Variants in PSMA2 observed in about 807,000 individuals in gnomAD.
The protein encoded by PSMA2 is proteasome subunit alpha type-2.
A neutral mutation model predicts 35.9 loss-of-function variants in PSMA2; 2 were observed. The observed-to-expected ratio is 0.06, with a 90% CI of 0.02 to 0.18. The LOEUF (loss-of-function observed/expected upper bound fraction) is 0.18. Ranked by LOEUF, PSMA2 falls within the 10% of genes least tolerant of loss-of-function variation. PSMA2 has a pLI of 1.00. For missense variants in PSMA2, 126 were observed against 278.8 expected (o/e 0.45, Z 3.90); for synonymous variants, 97 against 98.2 (o/e 0.99, Z 0.07).
intron 1 of PSMA2, among the ~76,000 whole-genome samples, chr7:42,929,772 C>T (rs767284689): frequency 2.0e-5 from 3 of 152,228 alleles, no homozygotes; most frequent in Non-Finnish European, 4.4e-5. Flanking sequence ...ACATTATCTC[C>T]TTGCTCACTA....
At chr7:42,927,754 A>C (rs1280060762) in intron 1 of PSMA2, among the ~76,000 whole-genome samples, 1 of 152,120 alleles carries the variant, frequency 6.6e-6, no homozygotes, top group Admixed American at 6.6e-5. Context: ...AAATATACAA[A>C]AATTAGCCGG....
intron 5 of PSMA2, 125 bp downstream of exon 5, chr7:42,923,200 T>C (rs1786154079): frequency 1.3e-6 from 1 of 760,672 alleles, no homozygotes; most frequent in Admixed American, 3.0e-5. Context: ...AACCTCATAC[T>C]TTCTAAAGCC....
chr7:42,928,833 T>G (rs546312126), intron 1 of PSMA2, among the ~76,000 whole-genome samples: 1 of 152,292 alleles, frequency 6.6e-6, no homozygotes, highest in African/African-American at 2.4e-5. Context: ...TGAAATGCAT[T>G]TCTCTATTGC....
chr7:42,918,990 A>T (rs990924029), intron 6 of PSMA2: 1 of 232,520 alleles, frequency 4.3e-6, no homozygotes, highest in Admixed American at 4.9e-5. Context: ...CTCCTGGCTA[A>T]TTTTTGTATT....
At chr7:42,927,575 T>A in intron 1 of PSMA2, 116 bp from the exon 2 acceptor site, 2 of 972,678 alleles carry the variant, frequency 2.1e-6, no homozygotes, top group Non-Finnish European at 3.2e-6. Context: ...CTCCAGGGAG[T>A]AACTGGCCTT....
intron 2 of PSMA2, 79 bp from the exon 3 acceptor site, chr7:42,926,747 A>G: frequency 7.2e-7 from 1 of 1,389,660 alleles, no homozygotes; most frequent in Non-Finnish European, 9.5e-7. Context: ...TGGATGCGCT[A>G]AACGCAAACT....
At chr7:42,923,448 G>A (rs1465511626) in intron 4 of PSMA2, 42 bp from the exon 5 acceptor site, 1 of 1,474,138 alleles carries the variant, frequency 6.8e-7, no homozygotes, top group Non-Finnish European at 9.5e-7. Context: ...TTTTCATGGT[G>A]TTAAAGTCAT....
chr7:42,931,065 A>C, intron 1 of PSMA2: 1 of 358,208 alleles, frequency 2.8e-6, no homozygotes, highest in Non-Finnish European at 5.6e-6. Context: ...CAGAAAAAAA[A>C]CCCAGTTTGA....
At chr7:42,924,210 A>C (rs1387436500) in intron 4 of PSMA2, among the ~76,000 whole-genome samples, 1 of 150,154 alleles carries the variant, frequency 6.7e-6, no homozygotes, top group African/African-American at 2.5e-5. Context: ...AAAAAAAATT[A>C]GCTAAGCATG....
At chr7:42,925,429 G>C (rs573866157) in intron 3 of PSMA2, among the ~76,000 whole-genome samples, 56 of 152,324 alleles carry the variant, frequency 3.7e-4, no homozygotes, top group African/African-American at 1.3e-3. Flanking sequence ...ATGTGAAAGA[G>C]GAGGGAGATA....
chr7:42,921,697 G>C, intron 6 of PSMA2, 161 bp downstream of exon 6: 1 of 444,652 alleles, frequency 2.2e-6, no homozygotes, highest in Non-Finnish European at 4.0e-6. Context: ...TGAAGTCTAG[G>C]AAACTAGAAG....
At chr7:42,928,388 T>C (rs1030267120) in intron 1 of PSMA2, among the ~76,000 whole-genome samples, 16 of 152,208 alleles carry the variant, frequency 1.1e-4, no homozygotes, top group Non-Finnish European at 2.1e-4. Flanking sequence ...AAAACAGACA[T>C]GGCCTAAGAC....
At position 42,917,763 on chromosome 7, in the gene PSMA2, G is replaced by T; in HGVS notation, c.588+15C>A. The T allele has an allele frequency of 6.2e-7, 1 of 1,611,320 alleles. No individual in the cohort carries two copies. Among genetic ancestry groups the T allele is most frequent in the South Asian group, 1.1e-5 (1 of 90,902 alleles). On this transcript the variant is annotated intron_variant, in intron 7 of 7. Coordinates refer to ENST00000223321, the MANE Select transcript of PSMA2 (RefSeq NM_002787.5). ...TGAAATCATTATAAATCCAGTTGTT[G>T]AATACTGAGCTAACCTTTAGGGTTA... is the stretch of plus-strand genomic sequence containing the variant.
At chr7:42,930,411 C>T (rs1786283886) in intron 1 of PSMA2, among the ~76,000 whole-genome samples, 1 of 151,962 alleles carries the variant, frequency 6.6e-6, no homozygotes, top group South Asian at 2.1e-4. Context: ...AGGCACATGC[C>T]TGGCTAATTT....
chr7:42,919,740 C>G (rs1262883541), intron 6 of PSMA2: 1 of 612,258 alleles, frequency 1.6e-6, no homozygotes, highest in African/African-American at 1.9e-5. Flanking sequence ...AATCTCTTCA[C>G]CTTGAGAAAG....
chr7:42,925,814 ACTGC>A (rs1188622246), intron 3 of PSMA2, among the ~76,000 whole-genome samples: 2 of 152,318 alleles, frequency 1.3e-5, no homozygotes, highest in South Asian at 2.1e-4. Flanking sequence ...GACAAGATTC[ACTGC>A]CTGATCACAT....
chr7:42,920,653 C>G (rs1786112979), intron 6 of PSMA2: 1 of 152,096 alleles, frequency 6.6e-6, no homozygotes, highest in Admixed American at 6.6e-5. Context: ...CTTTGGAAGA[C>G]TCATTAATAT....
rs757758580 is a variant in PSMA2 at position 42,924,732 on chromosome 7, G to C, written c.317C>G (p.Pro106Arg). 1.2e-6 allele frequency: 2 copies of C among 1,613,508 alleles called. No individual in the cohort carries two copies. Among genetic ancestry groups the C allele is most frequent in the Middle Eastern group, 3.3e-4 (2 of 6,054 alleles). The change falls in exon 4 of 8, where the codon CCT (proline) becomes CGT (arginine). Residue 106 changes from proline (P) to arginine (R), a missense_variant. Transcript: ENST00000223321. ...QYYLVYQEPI[P>R]TAQLVQRVAS... ...TACTCTCTGTACCAGCTGAGCTGTA[G>C]GAATGGGTTCTTGGTACACAAGATA...
intron 5 of PSMA2, 104 bp downstream of exon 5, chr7:42,923,218 AAAG>A: frequency 1.2e-6 from 1 of 857,194 alleles, no homozygotes; most frequent in East Asian, 2.7e-5. Context: ...GCCCAAGAGA[AAAG>A]AAGAAAATAC....
Sources: allele counts gnomAD v4.1 joint callset (sites outside exome capture counted in the v4.1 genomes callset), GRCh38; gene constraint gnomAD v4.1.1; transcripts MANE v1.5; gene names NCBI Gene and HGNC (gene_info 2026-07-23, HGNC 2026-07-21).